NAP1L4: variants seen among roughly 807,000 people sequenced by gnomAD.
The protein encoded by NAP1L4 is nucleosome assembly protein 1-like 4.
NAP1L4 carries 15 observed loss-of-function variants against 58.2 expected under a neutral mutation model. The ratio of observed to expected loss-of-function variants is 0.26; its 90% CI spans 0.17 to 0.40. The LOEUF is 0.40. Among genes scored for constraint, NAP1L4 ranks in the 10% least tolerant of loss-of-function variants. The probability of loss-of-function intolerance (pLI) is 1.00; values close to 1 mark genes in which losing one functional copy is unlikely to be tolerated. For synonymous variants in NAP1L4, 171 were observed against 155.6 expected (o/e 1.10, Z -0.74); for missense variants, 384 against 451.1 (o/e 0.85, Z 1.35).
At position 2,954,708 on chromosome 11, in the gene NAP1L4, CCCTCAGCCAAA is replaced by C. The variant is rs750970902; in HGVS notation, c.916-73_916-63del. 32 of 1,606,570 alleles carry C rather than the reference CCCTCAGCCAAA, an allele frequency of 2.0e-5. No homozygotes were observed. In the South Asian group the frequency reaches 3.3e-4, roughly 17 times the overall value. On this transcript the variant is annotated intron_variant, in intron 11 of 15. Coordinates refer to ENST00000380542, the MANE Select transcript of NAP1L4 (RefSeq NM_005969.4). This position sits in a 1 kb window ranked among gnomAD's most constrained non-coding sequence, Gnocchi z 4.8. ...TGGGATAAAAACATTCACTTCACCACCCTCAGCCAAACCTCAGCCCCTCACTTTTGATTTAC... is the reference window on the plus strand; with the variant it reads ...TGGGATAAAAACATTCACTTCACCACCCTCAGCCCCTCACTTTTGATTTAC...
In NAP1L4 at chr11:2,987,455, T is replaced by A. The variant is rs1013106841; in HGVS notation, c.-18+4799A>T. ...AGCCACCATGCCAGGCCCATGATAA[T>A]GTTTAAAAGCAATGAATAGGCTGGG... On this transcript the variant is annotated intron_variant, in intron 1 of 15. Transcript: ENST00000380542. 2.0e-5 allele frequency among the ~76,000 whole-genome samples: 3 copies of A among 150,688 alleles called. No homozygotes were observed. The East Asian group carries it at 6.1e-4, about 31-fold the overall frequency.
chr11:2,952,118 G>A (rs923322927), intron 12 of NAP1L4: 30 of 441,574 alleles, frequency 6.8e-5, no homozygotes, highest in African/African-American at 5.2e-4. Flanking sequence ...ACACCGAGGA[G>A]CAGGCACACA....
In NAP1L4 at chr11:2,945,496, G is replaced by C; in HGVS notation, c.*183C>G. 1.1e-6 allele frequency: 1 copy of C among 873,032 alleles called. No homozygotes were observed. The highest frequency in any genetic ancestry group is 1.7e-6 in the Non-Finnish European group (1 of 586,256). 54.1% of individuals were successfully genotyped at this position (873,032 alleles called of 1,614,324 possible). A position where few individuals can be genotyped will look rare whatever the true frequency, so the allele number is the denominator to read the frequency against. The stretch of plus-strand genomic sequence containing the variant: ...AAGTGAAAATCATGCACTTGAAAAC[G>C]AGTTAGATGGAGTAAGCTCTGTCCA... On this transcript the variant is annotated 3_prime_UTR_variant, in exon 16 of 16. Transcript: ENST00000380542.
rs533474906 is a variant in NAP1L4 at position 2,947,444 on chromosome 11, C to T, written c.*32+1783G>A. ...CCTGACTCTGGGAAGAGCTGCCTCC[C>T]CCGTGCCTTGAGGGCACAGCCCCCT... On this transcript the variant is annotated intron_variant, in intron 15 of 15. Coordinates refer to ENST00000380542, the MANE Select transcript of NAP1L4 (RefSeq NM_005969.4). 1.3e-4 allele frequency among the ~76,000 whole-genome samples: 20 copies of T among 152,332 alleles called. 1 individual carries two copies. Among genetic ancestry groups the T allele is most frequent in the African/African-American group, 4.8e-4 (20 of 41,580 alleles).
At chr11:2,950,151 TC>T (rs1206411201) in intron 14 of NAP1L4, among the ~76,000 whole-genome samples, 47 of 152,344 alleles carry the variant, frequency 3.1e-4, no homozygotes, top group African/African-American at 1.1e-3. Flanking sequence ...GGCCTTGGTC[TC>T]CTACAGCCCT....
At position 2,955,712 on chromosome 11, in the gene NAP1L4, A is replaced by C. The variant is rs1311278589; in HGVS notation, c.915+32T>G. The C allele has an allele frequency of 6.2e-7, 1 of 1,604,972 alleles. No homozygotes were observed. The highest frequency in any genetic ancestry group is 1.1e-5 in the South Asian group (1 of 90,678). On this transcript the variant is annotated intron_variant, in intron 11 of 15. Transcript: ENST00000380542. The surrounding 1 kb of genome is among the most constrained non-coding windows in gnomAD (Gnocchi z 4.2). ...ACATTCACTCAGGAGAGACTTCAAC[A>C]GGAAAATAAGACTATTAACAACAAA... is the stretch of plus-strand genomic sequence containing the variant.
intron 1 of NAP1L4, among the ~76,000 whole-genome samples, chr11:2,986,445 G>A (rs1056180374): frequency 2.2e-4 from 33 of 151,604 alleles, no homozygotes; most frequent in African/African-American, 7.5e-4. Context: ...AGAGAGTGTA[G>A]TCGTACTCCC....
intron 15 of NAP1L4, among the ~76,000 whole-genome samples, chr11:2,947,080 T>C (rs1260217945): frequency 6.6e-6 from 1 of 152,156 alleles, no homozygotes; most frequent in Non-Finnish European, 1.5e-5. Flanking sequence ...GCAAATACTA[T>C]GTCATGTCAT....
Position 2,976,061 on chromosome 11 carries a change from C to G in NAP1L4, c.136G>C (p.Asp46His). Residue 46 changes from aspartate (D) to histidine (H), a missense_variant, in exon 4 of 16, where the codon GAC becomes CAC. Coordinates refer to ENST00000380542, the MANE Select transcript of NAP1L4 (RefSeq NM_005969.4). ...CTGGAAGGGGTGTGAGGGACATTGT[C>G]AAGTCGCTCCTGTAAAGCTGCCAGA... ...RVLAALQERL[D>H]NVPHTPSSYI... 6.2e-7 allele frequency: 1 copy of G among 1,614,066 alleles called. No homozygotes were observed. The highest frequency in any genetic ancestry group is 8.5e-7 in the Non-Finnish European group (1 of 1,179,986).
chr11:2,952,966 C>T (rs1278647377), intron 12 of NAP1L4, among the ~76,000 whole-genome samples: 1 of 150,964 alleles, frequency 6.6e-6, no homozygotes, highest in Non-Finnish European at 1.5e-5. Context: ...CACTTTATGC[C>T]AACACTTACT....
intron 15 of NAP1L4, among the ~76,000 whole-genome samples, chr11:2,947,774 A>C (rs866050693): frequency 6.6e-6 from 1 of 152,190 alleles, no homozygotes; most frequent in Admixed American, 6.5e-5. Context: ...AAAAAATCTC[A>C]TCTCTCATGG....
intron 14 of NAP1L4, among the ~76,000 whole-genome samples, chr11:2,950,139 C>T (rs548816939): frequency 3.9e-5 from 6 of 152,368 alleles, no homozygotes; most frequent in African/African-American, 1.4e-4. Flanking sequence ...AAGGCAGACC[C>T]AGGCCTTGGT....
chr11:2,964,682 T>C lies in NAP1L4; in HGVS notation c.604A>G (p.Met202Val), dbSNP rs752080473. The C allele has an allele frequency of 2.4e-5, 39 of 1,613,274 alleles. No individual in the cohort carries two copies. The Admixed American group carries it at 2.5e-4, about 10-fold the overall frequency. Residue 202 changes from methionine (M) to valine (V), a missense_variant and splice_region_variant, in exon 8 of 16, where the codon ATG (methionine) becomes GTG (valine). By Grantham distance (21) the Met-to-Val change is conservative. Transcript: ENST00000380542. ...KVKFSDPGQP[M>V]SFVLEFHFEP... Reference sequence around the variant, plus strand: ...CAGAAGGTCAAGTCAGTACTCACCATAGGCTGTCCAGGGTCAGAAAATTTC... The same window carrying C: ...CAGAAGGTCAAGTCAGTACTCACCACAGGCTGTCCAGGGTCAGAAAATTTC...
In NAP1L4 at chr11:2,954,258, GT is replaced by G. The variant is rs1846397251; in HGVS notation, c.1035+268del. 1.5e-5 allele frequency: 8 copies of G among 530,356 alleles called. No homozygotes were observed. The East Asian group carries it at 2.3e-4, about 15-fold the overall frequency. The allele number at this position is 530,356 out of a possible 1,614,324, so 32.9% of individuals were successfully genotyped here. A position where few individuals can be genotyped will look rare whatever the true frequency, so the allele number is the denominator to read the frequency against. Reference sequence around the variant, plus strand: ...GAAGCTTAGGTTTTGAGAGAATATTGTTGAGTCACTAGGCAGGGCTCACATA... The same window carrying G: ...GAAGCTTAGGTTTTGAGAGAATATTGTGAGTCACTAGGCAGGGCTCACATA... On this transcript the variant is annotated intron_variant, in intron 12 of 15. Transcript: ENST00000380542. The surrounding 1 kb of genome is among the most constrained non-coding windows in gnomAD (Gnocchi z 4.8).
intron 8 of NAP1L4, chr11:2,963,760 C>A (rs745515081): frequency 1.9e-6 from 1 of 519,300 alleles, no homozygotes; most frequent in South Asian, 1.4e-5. Context: ...ACCCACAGCC[C>A]GTCATGCAGC....
Position 2,945,361 on chromosome 11 carries a change from T to C in NAP1L4, c.*318A>G, listed in dbSNP as rs1451088457. ...GGAAAGGCCCAGGGAAGTCCAGAGC[T>C]ACAGGCACCAAGGCTGCAGAGGGTG... is the stretch of plus-strand genomic sequence containing the variant. On this transcript the variant is annotated 3_prime_UTR_variant, in exon 16 of 16. Coordinates refer to ENST00000380542, the MANE Select transcript of NAP1L4 (RefSeq NM_005969.4). 1.4e-5 allele frequency: 7 copies of C among 490,416 alleles called. No individual in the cohort carries two copies. Among genetic ancestry groups the C allele is most frequent in the Non-Finnish European group, 1.8e-5 (5 of 274,000 alleles). The allele number at this position is 490,416 out of a possible 1,614,324, so 30.4% of individuals were successfully genotyped here.
In NAP1L4 at chr11:2,946,808, G is replaced by A. The variant is rs1845963014; in HGVS notation, c.*33-1162C>T. Among the ~76,000 whole-genome samples the A allele has an allele frequency of 6.6e-6, 1 of 152,184 alleles. No individual in the cohort carries two copies. The highest frequency in any genetic ancestry group is 2.4e-5 in the African/African-American group (1 of 41,438). ...AAAACGAGGCTGACCAAAAACCCTC[G>A]CCATGTCAATCTGACATTCAAGGGT... is the stretch of plus-strand genomic sequence containing the variant. On this transcript the variant is annotated intron_variant, in intron 15 of 15. Coordinates refer to ENST00000380542, the MANE Select transcript of NAP1L4 (RefSeq NM_005969.4). This position sits in a 1 kb window ranked among gnomAD's most constrained non-coding sequence, Gnocchi z 4.8.
Position 2,951,295 on chromosome 11 carries a change from C to G in NAP1L4, c.1086G>C (p.Glu362Asp). 6.2e-7 allele frequency: 1 copy of G among 1,614,066 alleles called. No homozygotes were observed. The highest frequency in any genetic ancestry group is 8.5e-7 in the Non-Finnish European group (1 of 1,179,976). The change falls in exon 14 of 16, where the codon GAG (glutamate) becomes GAC (aspartate). Residue 362 changes from glutamate (E) to aspartate (D), a missense_variant. Physicochemically the swap from Glu to Asp is conservative, Grantham distance 45. Transcript: ENST00000380542. The surrounding 1 kb of genome is among the most constrained non-coding windows in gnomAD (Gnocchi z 4.0). ...GEEEELEGDEEGEDEDDAEIN... is the reference protein window; with the variant it reads ...GEEEELEGDEDGEDEDDAEIN... ...TTTCCGCATCATCCTCGTCTTCTCC[C>G]TCCTCGTCACCTTCTAATTCCTGTA...
rs763205289 is a variant in NAP1L4, at chr11:2,954,355, C to G, written c.1035+172G>C. ...TTCCTGCTCTGTTCCTCAGACTTCT[C>G]CTCTTCAAGCGTATTCCCCCCACAA... On this transcript the variant is annotated intron_variant, in intron 12 of 15. Transcript: ENST00000380542. This position sits in a 1 kb window ranked among gnomAD's most constrained non-coding sequence, Gnocchi z 4.8. 2 of 965,304 alleles carry G rather than the reference C, an allele frequency of 2.1e-6. No individual in the cohort carries two copies. The highest frequency in any genetic ancestry group is 3.2e-6 in the Non-Finnish European group (2 of 628,354). 59.8% of individuals were successfully genotyped at this position (965,304 alleles called of 1,614,324 possible).
Sources: allele counts gnomAD v4.1 joint callset (sites outside exome capture counted in the v4.1 genomes callset), GRCh38; gene constraint gnomAD v4.1.1; non-coding constraint Gnocchi (gnomAD v3.1); transcripts MANE v1.5; gene names NCBI Gene and HGNC (gene_info 2026-07-23, HGNC 2026-07-21).